LRRC8D: variants seen among roughly 807,000 people sequenced by gnomAD.
LRRC8D encodes leucine rich repeat containing 8 VRAC subunit D.
Under a neutral mutation model 55.8 loss-of-function variants are expected in LRRC8D, and 20 were observed. The observed-to-expected ratio is 0.36, with a 90% CI of 0.25 to 0.52. The LOEUF (loss-of-function observed/expected upper bound fraction) is 0.52, where lower values mean the gene tolerates loss of function less well. Ranked by LOEUF, LRRC8D falls within the 20% of genes least tolerant of loss-of-function variation. The pLI is 0.93. For missense variants in LRRC8D, 651 were observed against 1,030.8 expected (o/e 0.63, Z 5.05); for synonymous variants, 352 against 377.0 (o/e 0.93, Z 0.77).
chr1:89,913,825 A>G (rs1248557879), intron 2 of LRRC8D, among the ~76,000 whole-genome samples: 1 of 152,180 alleles, frequency 6.6e-6, no homozygotes, highest in Non-Finnish European at 1.5e-5. Flanking sequence ...TTCCTGGCTG[A>G]TGTCCCCTGG....
chr1:89,913,331 GCA>G (rs1352584705), intron 2 of LRRC8D, among the ~76,000 whole-genome samples: 1 of 152,168 alleles, frequency 6.6e-6, no homozygotes, highest in Non-Finnish European at 1.5e-5. Flanking sequence ...GATTTTGGGG[GCA>G]CACTTAGTAG....
At chr1:89,857,995 G>A (rs1661599543) in intron 2 of LRRC8D, among the ~76,000 whole-genome samples, 1 of 152,232 alleles carries the variant, frequency 6.6e-6, no homozygotes, top group Admixed American at 6.5e-5. Context: ...TTTGGAGGCT[G>A]AGGTGGGTGG....
intron 2 of LRRC8D, among the ~76,000 whole-genome samples, chr1:89,864,747 G>A (rs968610593): frequency 2.9e-4 from 44 of 152,020 alleles, no homozygotes; most frequent in Non-Finnish European, 1.8e-4. Flanking sequence ...AGACCTTGCC[G>A]CAGGAAACCT....
chr1:89,831,553 T>C (rs1341502131), intron 1 of LRRC8D, among the ~76,000 whole-genome samples: 1 of 152,152 alleles, frequency 6.6e-6, no homozygotes, highest in Non-Finnish European at 1.5e-5. Context: ...GATTTGTTCA[T>C]ATCTTAAAAT....
At chr1:89,893,471 T>C (rs1662629316) in intron 2 of LRRC8D, among the ~76,000 whole-genome samples, 1 of 152,226 alleles carries the variant, frequency 6.6e-6, no homozygotes, top group East Asian at 1.9e-4. Flanking sequence ...TAGACCAGAA[T>C]TGCAAGGGAA....
At chr1:89,912,155 G>A (rs992480281) in intron 2 of LRRC8D, among the ~76,000 whole-genome samples, 5 of 151,914 alleles carry the variant, frequency 3.3e-5, no homozygotes, top group African/African-American at 1.2e-4. Context: ...TGAATTGAGT[G>A]GAAATCATGT....
intron 1 of LRRC8D, among the ~76,000 whole-genome samples, chr1:89,839,046 A>G (rs1464355414): frequency 6.6e-6 from 1 of 152,240 alleles, no homozygotes; most frequent in Non-Finnish European, 1.5e-5. Context: ...GTAGTGCAGA[A>G]TAATATATCC....
intron 2 of LRRC8D, among the ~76,000 whole-genome samples, chr1:89,924,197 C>G (rs1192547364): frequency 6.6e-6 from 1 of 152,132 alleles, no homozygotes; most frequent in African/African-American, 2.4e-5. Context: ...GGTCTAATAT[C>G]TAGAATCTAT....
At chr1:89,835,352 T>C (rs1660979457) in intron 1 of LRRC8D, among the ~76,000 whole-genome samples, 1 of 152,240 alleles carries the variant, frequency 6.6e-6, no homozygotes, top group Non-Finnish European at 1.5e-5. Context: ...CATCAAACTT[T>C]GTGGAAGTTC....
At chr1:89,844,568 T>C (rs1661225017) in intron 2 of LRRC8D, among the ~76,000 whole-genome samples, 1 of 152,240 alleles carries the variant, frequency 6.6e-6, no homozygotes, top group South Asian at 2.1e-4. Context: ...CCATTTGTCA[T>C]CAAAGTAAAA....
At chr1:89,837,521 G>A (rs577857608) in intron 1 of LRRC8D, among the ~76,000 whole-genome samples, 30 of 152,288 alleles carry the variant, frequency 2.0e-4, no homozygotes, top group African/African-American at 6.7e-4. Flanking sequence ...CCAGGCTATC[G>A]AAGTTTTAGT....
At chr1:89,905,960 C>T (rs1189340963) in intron 2 of LRRC8D, among the ~76,000 whole-genome samples, 1 of 152,136 alleles carries the variant, frequency 6.6e-6, no homozygotes, top group Non-Finnish European at 1.5e-5. Flanking sequence ...GAGACCTGAC[C>T]CCTGCTTACC....
chr1:89,891,560 A>G (rs1273122552), intron 2 of LRRC8D, among the ~76,000 whole-genome samples: 1 of 152,200 alleles, frequency 6.6e-6, no homozygotes, highest in African/African-American at 2.4e-5. Flanking sequence ...TGCCTGCAAC[A>G]GTTATTGCTG....
At chr1:89,857,081 G>C (rs548932656) in intron 2 of LRRC8D, among the ~76,000 whole-genome samples, 1 of 152,210 alleles carries the variant, frequency 6.6e-6, no homozygotes, top group African/African-American at 2.4e-5. Flanking sequence ...TTTTCAACAA[G>C]ACATTAAGAG....
chr1:89,890,757 A>G (rs1404510393), intron 2 of LRRC8D, among the ~76,000 whole-genome samples: 2 of 152,234 alleles, frequency 1.3e-5, no homozygotes, highest in African/African-American at 4.8e-5. Flanking sequence ...TAACCAATCT[A>G]GAAACCTTAT....
At chr1:89,880,208 T>C (rs1476255219) in intron 2 of LRRC8D, among the ~76,000 whole-genome samples, 1 of 150,354 alleles carries the variant, frequency 6.7e-6, no homozygotes, top group Non-Finnish European at 1.5e-5. Flanking sequence ...TGTAGCTGAC[T>C]ATAGAATTTG....
chr1:89,857,554 G>A (rs987487617), intron 2 of LRRC8D, among the ~76,000 whole-genome samples: 1 of 152,094 alleles, frequency 6.6e-6, no homozygotes, highest in African/African-American at 2.4e-5. Flanking sequence ...GTAAATCACA[G>A]CGAAATAAGC....
chr1:89,900,327 C>G (rs953258120), intron 2 of LRRC8D, among the ~76,000 whole-genome samples: 1 of 151,298 alleles, frequency 6.6e-6, no homozygotes, highest in Non-Finnish European at 1.5e-5. Flanking sequence ...CTTGCTTTCC[C>G]CTGGGAGAAA....
intron 2 of LRRC8D, among the ~76,000 whole-genome samples, chr1:89,858,479 T>C (rs1661617228): frequency 6.6e-6 from 1 of 152,192 alleles, no homozygotes. Flanking sequence ...TCTGAAGTTT[T>C]AGAGGTTTAC....
Sources: allele counts gnomAD v4.1 joint callset (sites outside exome capture counted in the v4.1 genomes callset), GRCh38; gene constraint gnomAD v4.1.1; transcripts MANE v1.5; gene names NCBI Gene and HGNC (gene_info 2026-07-23, HGNC 2026-07-21).